Variants in SMYD2 observed in about 807,000 individuals in gnomAD.
SMYD2 encodes N-lysine methyltransferase SMYD2.
SMYD2 carries 53 observed loss-of-function variants against 59.1 expected under a neutral mutation model. That is an observed-to-expected ratio of 0.90 (90% CI 0.72 to 1.13). The LOEUF is 1.13. SMYD2 is among the 50% of genes most tolerant of loss of function. The pLI, the probability that SMYD2 is intolerant of heterozygous loss-of-function variation, is 0.00. For missense variants in SMYD2, 494 were observed against 544.7 expected (o/e 0.91, Z 0.93); for synonymous variants, 208 against 198.8 (o/e 1.05, Z -0.39).
chr1:214,318,100 C>A lies in SMYD2; in HGVS notation c.370C>A (p.Pro124Thr), dbSNP rs1199310206. The change falls in exon 4 of 12, where the codon CCT becomes ACT. Residue 124 changes from proline to threonine, a missense_variant. Coordinates refer to ENST00000366957, the MANE Select transcript of SMYD2 (RefSeq NM_020197.3). The surrounding 1 kb of genome is among the most constrained non-coding windows in gnomAD (Gnocchi z 5.4). The stretch of plus-strand genomic sequence containing the variant: ...CTAGAAAATCCACCCAGAGAGAACA[C>A]CTTCGGAAAAATTGTTAGCTGTGAA... ...AKQKIHPERTPSEKLLAVKEF... is the reference protein window; with the variant it reads ...AKQKIHPERTTSEKLLAVKEF... The A allele has an allele frequency of 6.2e-7, 1 of 1,613,858 alleles. No homozygotes were observed. Among genetic ancestry groups the A allele is most frequent in the African/African-American group, 1.3e-5 (1 of 74,900 alleles).
chr1:214,286,900 G>C (rs1356136030), intron 1 of SMYD2, among the ~76,000 whole-genome samples: 1 of 146,312 alleles, frequency 6.8e-6, no homozygotes, highest in South Asian at 2.1e-4. Context: ...ACCCAGGCTA[G>C]AGTGCAATGG....
At chr1:214,331,225 C>T (rs1317978845) in intron 9 of SMYD2, 155 bp downstream of exon 9, 8 of 1,059,252 alleles carry the variant, frequency 7.6e-6, no homozygotes, top group Non-Finnish European at 1.1e-5. Flanking sequence ...ACTGACCACC[C>T]ACAATGTGGT....
At chr1:214,323,331 G>A (rs1236214891) in intron 5 of SMYD2, among the ~76,000 whole-genome samples, 1 of 152,174 alleles carries the variant, frequency 6.6e-6, no homozygotes, top group East Asian at 1.9e-4. Context: ...TGAGTTTATA[G>A]AACAGTACAT....
chr1:214,328,176 C>G (rs1484463321), intron 7 of SMYD2, among the ~76,000 whole-genome samples: 1 of 152,018 alleles, frequency 6.6e-6, no homozygotes, highest in Non-Finnish European at 1.5e-5. Context: ...CTCAAAGGTC[C>G]AAAGCAAAAG....
chr1:214,284,253 GGTTTTTTTTT>G (rs1656495785), intron 1 of SMYD2, among the ~76,000 whole-genome samples: 3 of 76,820 alleles, frequency 3.9e-5, no homozygotes, highest in Admixed American at 1.4e-4. Flanking sequence ...TTTTTGGTGT[GGTTTTTTTTT>G]TTTTTTTTTT....
chr1:214,327,026 C>G (rs771063241), intron 6 of SMYD2, among the ~76,000 whole-genome samples: 41 of 152,274 alleles, frequency 2.7e-4, no homozygotes, highest in Non-Finnish European at 5.3e-4. Flanking sequence ...AGGCGAATCT[C>G]TCTCTCTCCT....
Position 214,331,086 on chromosome 1 carries a change from G to T in SMYD2, c.937+16G>T. ...CACTATAAATATATCCTTTACAACTGCCCTGATAGCTTATTATCCCTCGCC... is the reference window on the plus strand; with the variant it reads ...CACTATAAATATATCCTTTACAACTTCCCTGATAGCTTATTATCCCTCGCC... On this transcript the variant is annotated intron_variant, in intron 9 of 11. Coordinates refer to ENST00000366957, the MANE Select transcript of SMYD2 (RefSeq NM_020197.3). 8.7e-6 allele frequency: 14 copies of T among 1,612,210 alleles called. No homozygotes were observed. Among genetic ancestry groups the T allele is most frequent in the Non-Finnish European group, 1.2e-5 (14 of 1,178,506 alleles).
At chr1:214,331,912 T>G in intron 9 of SMYD2, 106 bp from the exon 10 acceptor site, 3 of 978,704 alleles carry the variant, frequency 3.1e-6, no homozygotes, top group Non-Finnish European at 4.4e-6. Flanking sequence ...TACTTTTTCA[T>G]GGGGTAAGGG....
At chr1:214,292,144 CTG>C (rs1191384872) in intron 1 of SMYD2, among the ~76,000 whole-genome samples, 1 of 151,022 alleles carries the variant, frequency 6.6e-6, no homozygotes, top group Non-Finnish European at 1.5e-5. Flanking sequence ...TTGATCTTCT[CTG>C]TCTGTGAATC....
At chr1:214,320,508 C>T (rs1445855330) in intron 5 of SMYD2, among the ~76,000 whole-genome samples, 2 of 152,246 alleles carry the variant, frequency 1.3e-5, no homozygotes, top group Middle Eastern at 3.4e-3. Flanking sequence ...TGTCTGTAGT[C>T]CCAGCTACTC....
chr1:214,292,288 T>C (rs1209078657), intron 1 of SMYD2, among the ~76,000 whole-genome samples: 2 of 152,158 alleles, frequency 1.3e-5, no homozygotes, highest in Non-Finnish European at 1.5e-5. Flanking sequence ...CATCCTAAAT[T>C]GTTTATAGTA....
chr1:214,281,849 G>C (rs116349527), intron 1 of SMYD2, among the ~76,000 whole-genome samples: 159 of 152,344 alleles, frequency 1.0e-3, no homozygotes, highest in Non-Finnish European at 1.5e-3. Flanking sequence ...CCTGCGGTGT[G>C]TTCTGTTACC....
At position 214,312,092 on chromosome 1, in the gene SMYD2, A is replaced by G. The variant is rs541587831; in HGVS notation, c.238-2670A>G. On this transcript the variant is annotated intron_variant, in intron 2 of 11. Transcript: ENST00000366957. The surrounding 1 kb of genome is among the most constrained non-coding windows in gnomAD (Gnocchi z 4.1). ...CTCTCATTTTAGGCTTTGGCTAAAAACAGATTCTCTTCTCCCTTGTGCATA... is the reference window on the plus strand; with the variant it reads ...CTCTCATTTTAGGCTTTGGCTAAAAGCAGATTCTCTTCTCCCTTGTGCATA... Among the ~76,000 whole-genome samples the G allele has an allele frequency of 5.9e-5, 9 of 152,346 alleles. No individual in the cohort carries two copies. The highest frequency in any genetic ancestry group is 3.9e-4 in the Admixed American group (6 of 15,306).
intron 1 of SMYD2, among the ~76,000 whole-genome samples, chr1:214,286,246 G>A (rs1006913511): frequency 8.6e-5 from 13 of 151,978 alleles, no homozygotes; most frequent in Admixed American, 4.6e-4. Flanking sequence ...TGGGAGGATC[G>A]CTTGAAGCCA....
chr1:214,330,135 C>G (rs993270114), intron 7 of SMYD2, 33 bp from the exon 8 acceptor site: 3 of 1,429,942 alleles, frequency 2.1e-6, no homozygotes, highest in Admixed American at 1.7e-5. Flanking sequence ...TTACCTGTAG[C>G]AGACTGAAGC....
intron 1 of SMYD2, among the ~76,000 whole-genome samples, chr1:214,303,409 A>G (rs929678545): frequency 5.3e-5 from 8 of 152,126 alleles, no homozygotes; most frequent in Non-Finnish European, 8.8e-5. Flanking sequence ...TGTTTCTTCT[A>G]TATTCCAAAA....
intron 3 of SMYD2, among the ~76,000 whole-genome samples, chr1:214,316,835 A>T (rs1390995620): frequency 1.3e-5 from 2 of 152,142 alleles, no homozygotes; most frequent in African/African-American, 4.8e-5. Context: ...TAACTTTCGG[A>T]TCCTTAATAA....
chr1:214,304,554 A>G (rs1160380145), intron 1 of SMYD2, among the ~76,000 whole-genome samples: 1 of 121,228 alleles, frequency 8.2e-6, no homozygotes, highest in Non-Finnish European at 1.7e-5. Context: ...GTGAGACCCT[A>G]TCTCAAAAAA....
At chr1:214,325,533 AC>A (rs1657246269) in intron 6 of SMYD2, among the ~76,000 whole-genome samples, 1 of 152,086 alleles carries the variant, frequency 6.6e-6, no homozygotes, top group Admixed American at 6.5e-5. Flanking sequence ...TAGGTAGGAA[AC>A]CCTTAATACT....
Sources: allele counts gnomAD v4.1 joint callset (sites outside exome capture counted in the v4.1 genomes callset), GRCh38; gene constraint gnomAD v4.1.1; non-coding constraint Gnocchi (gnomAD v3.1); transcripts MANE v1.5; gene names NCBI Gene and HGNC (gene_info 2026-07-23, HGNC 2026-07-21).